ZAN: variants seen among roughly 807,000 people sequenced by gnomAD.
The protein encoded by ZAN is zonadhesin, also known as zonadhesin (gene/pseudogene).
In ZAN, 260 loss-of-function variants were observed where a neutral mutation model predicts 286.2. The observed-to-expected ratio is 0.91, with a 90% CI of 0.82 to 1.01. The LOEUF (loss-of-function observed/expected upper bound fraction) is 1.01. ZAN is among the 50% of genes least tolerant of loss of function. The pLI is 0.00. For synonymous variants in ZAN, 1,368 were observed against 1,417.5 expected (o/e 0.97, Z 0.79); for missense variants, 3,410 against 3,639.2 (o/e 0.94, Z 1.62).
At chr7:100,784,476 T>G (rs1443816608) in intron 35 of ZAN, 147 bp from the exon 36 acceptor site, 1 of 775,134 alleles carries the variant, frequency 1.3e-6, no homozygotes, top group African/African-American at 1.8e-5. Flanking sequence ...CCATACTCAG[T>G]AAATGTTTGC....
In ZAN at chr7:100,775,407, C is replaced by G. The variant is rs752486493; in HGVS notation, c.5859C>G (p.Cys1953Trp). Residue 1953 changes from cysteine to tryptophan, a missense_variant, in exon 32 of 48, where the codon TGC becomes TGG. Cys to Trp is a radical substitution (Grantham distance 215). Transcript: ENST00000613979. ...GTAACCATTCTATCCCGGACGCCTG[C>G]ACTCTTGTCCTGGTGAAAGTGTGCC... Reference protein sequence around the residue: ...DGSNHSIPDACTLVLVKVCHP... With the variant: ...DGSNHSIPDAWTLVLVKVCHP... 5.6e-5 allele frequency: 91 copies of G among 1,613,988 alleles called. No individual in the cohort carries two copies. In the East Asian group the frequency reaches 1.9e-3, roughly 33 times the overall value.
At chr7:100,774,914 GGGGTTTTT>G (rs1810644020) in intron 31 of ZAN, among the ~76,000 whole-genome samples, 2 of 74,024 alleles carry the variant, frequency 2.7e-5, no homozygotes, top group South Asian at 1.2e-3. Flanking sequence ...CCCTGGCCCT[GGGGTTTTT>G]TGTTTGTTTG....
rs1333322612 is a variant in ZAN at position 100,752,663 on chromosome 7, C to T, written c.2558C>T (p.Ser853Phe). Residue 853 changes from serine to phenylalanine, a missense_variant, in exon 14 of 48, where the codon TCC becomes TTC. Coordinates refer to ENST00000613979, the MANE Select transcript of ZAN (RefSeq NM_003386.3). ...ATCCCCATGGAAAAACCCACCATCT[C>T]CACAGAAAAACCCACCATCCCCACA... ...LTIPMEKPTISTEKPTIPTEK... is the reference protein window; with the variant it reads ...LTIPMEKPTIFTEKPTIPTEK... 6.2e-7 allele frequency: 1 copy of T among 1,612,210 alleles called. No homozygotes were observed. The highest frequency in any genetic ancestry group is 2.2e-5 in the East Asian group (1 of 44,742).
chr7:100,790,798 G>T, intron 39 of ZAN, 144 bp from the exon 40 acceptor site: 2 of 865,622 alleles, frequency 2.3e-6, no homozygotes, highest in Non-Finnish European at 3.4e-6. Flanking sequence ...CATGGGAATT[G>T]CTTGAAACCA....
In ZAN at chr7:100,758,514, C is replaced by T. The variant is rs1809316671; in HGVS notation, c.3452-17C>T. The T allele has an allele frequency of 6.4e-7, 1 of 1,554,562 alleles. No individual in the cohort carries two copies. Among genetic ancestry groups the T allele is most frequent in the African/African-American group, 1.4e-5 (1 of 73,200 alleles). On this transcript the variant is annotated splice_polypyrimidine_tract_variant and intron_variant, in intron 16 of 47. Coordinates refer to ENST00000613979, the MANE Select transcript of ZAN (RefSeq NM_003386.3). ...AGCCACAGAAGCAGCTTCGCCTGTT[C>T]TCCTTCCCCCTCCCAGCAGGCACTG... is the stretch of plus-strand genomic sequence containing the variant.
rs1809731215 is a variant in ZAN at position 100,763,459 on chromosome 7, A to C, written c.3987-347A>C. Among the ~76,000 whole-genome samples, 1 of 151,228 alleles carries C rather than the reference A, an allele frequency of 6.6e-6. No individual in the cohort carries two copies. The highest frequency in any genetic ancestry group is 6.6e-5 in the Admixed American group (1 of 15,166). On this transcript the variant is annotated intron_variant, in intron 20 of 47. Transcript: ENST00000613979. This position sits in a 1 kb window ranked among gnomAD's most constrained non-coding sequence, Gnocchi z 4.6. ...CAATCACAGCTCACTGCAGGCTCCAACTCCTGGGCTCAACAGATTCTCTCA... is the reference window on the plus strand; with the variant it reads ...CAATCACAGCTCACTGCAGGCTCCACCTCCTGGGCTCAACAGATTCTCTCA...
At chr7:100,758,083 C>G (rs1562930482) in intron 15 of ZAN, 119 bp from the exon 16 acceptor site, 2 of 845,688 alleles carry the variant, frequency 2.4e-6, no homozygotes, top group Non-Finnish European at 2.9e-6. Flanking sequence ...AAGACTCCAT[C>G]ACAAATAAAT....
intron 31 of ZAN, among the ~76,000 whole-genome samples, chr7:100,774,492 G>C (rs1473728043): frequency 3.3e-5 from 5 of 152,046 alleles, no homozygotes; most frequent in Non-Finnish European, 7.4e-5. Context: ...GCAACATAGT[G>C]AGACCCCATC....
In ZAN at chr7:100,779,729, T is replaced by G; in HGVS notation, c.6601T>G (p.Trp2201Gly). Residue 2201 changes from tryptophan (W) to glycine (G), a missense_variant, in exon 35 of 48, where the codon TGG (tryptophan) becomes GGG (glycine). Trp to Gly is a radical substitution (Grantham distance 184). Coordinates refer to ENST00000613979, the MANE Select transcript of ZAN (RefSeq NM_003386.3). Reference protein sequence around the residue: ...CQSQGLKPPLWRNSSFCPLEC... With the variant: ...CQSQGLKPPLGRNSSFCPLEC... Reference sequence around the variant, plus strand: ...GAGCCAGGGGCTCAAGCCCCCACTCTGGAGAAACAGCAGCTTCTGCCGTGA... The same window carrying G: ...GAGCCAGGGGCTCAAGCCCCCACTCGGGAGAAACAGCAGCTTCTGCCGTGA... 6.4e-7 allele frequency: 1 copy of G among 1,554,738 alleles called. No individual in the cohort carries two copies. The highest frequency in any genetic ancestry group is 8.7e-7 in the Non-Finnish European group (1 of 1,149,464).
chr7:100,776,428 C>A lies in ZAN; in HGVS notation c.6193-12C>A. 1 of 1,600,990 alleles carries A rather than the reference C, an allele frequency of 6.2e-7. No individual in the cohort carries two copies. Among genetic ancestry groups the A allele is most frequent in the Non-Finnish European group, 8.5e-7 (1 of 1,173,666 alleles). Reference sequence around the variant, plus strand: ...GCTTCCCCAGCACCGAAAAACCACTCTCCCCCGCCAGGTCTGCGGCATGTG... The same window carrying A: ...GCTTCCCCAGCACCGAAAAACCACTATCCCCCGCCAGGTCTGCGGCATGTG... On this transcript the variant is annotated splice_polypyrimidine_tract_variant and intron_variant, in intron 33 of 47. Transcript: ENST00000613979.
chr7:100,797,547 G>C (rs778655718), intron 46 of ZAN, 30 bp from the exon 47 acceptor site: 1 of 1,613,530 alleles, frequency 6.2e-7, no homozygotes, highest in Non-Finnish European at 8.5e-7. Context: ...GCCACTTGGG[G>C]ACCCATGTCT....
At chr7:100,795,083 G>C in intron 44 of ZAN, 113 bp from the exon 45 acceptor site, 1 of 1,397,894 alleles carries the variant, frequency 7.2e-7, no homozygotes, top group African/African-American at 1.5e-5. Flanking sequence ...CCCCTGGCCA[G>C]TCTCTGGCAG....
In ZAN at chr7:100,764,624, G is replaced by C. The variant is rs187775642; in HGVS notation, c.4267+428G>C. Among the ~76,000 whole-genome samples the C allele has an allele frequency of 6.3e-3, 950 of 151,938 alleles. 6 individuals are homozygous for C. The highest frequency in any genetic ancestry group is 0.022 in the African/African-American group (902 of 41,460). ...GAATTGCTTGAACCTGGGAGGCGGA[G>C]GTTGCAGTGAGCCGAGATTGCACCA... On this transcript the variant is annotated intron_variant, in intron 22 of 47. Transcript: ENST00000613979.
Position 100,750,520 on chromosome 7 carries a change from G to C in ZAN, c.1250-105G>C. Reference sequence around the variant, plus strand: ...AATAATGCTACGACCTGGGAAATTTGAGTGTTTGCTCAGATTCCCGTTCAG... The same window carrying C: ...AATAATGCTACGACCTGGGAAATTTCAGTGTTTGCTCAGATTCCCGTTCAG... On this transcript the variant is annotated intron_variant, in intron 11 of 47. Coordinates refer to ENST00000613979, the MANE Select transcript of ZAN (RefSeq NM_003386.3). 2.3e-6 allele frequency: 3 copies of C among 1,323,692 alleles called. No individual in the cohort carries two copies. The South Asian group carries it at 4.2e-5, about 18-fold the overall frequency. 82.0% of individuals were successfully genotyped at this position (1,323,692 alleles called of 1,614,324 possible). A position where few individuals can be genotyped will look rare whatever the true frequency, so the allele number is the denominator to read the frequency against.
rs201949485 is a variant in ZAN at position 100,772,021 on chromosome 7, G to C, written c.5425+1G>C. 30 of 1,588,636 alleles carry C rather than the reference G, an allele frequency of 1.9e-5. No individual in the cohort carries two copies. In the African/African-American group the frequency reaches 3.9e-4, roughly 21 times the overall value. ...GCCTGGCGGAACAGAACCTTCTGCCGTGAGTGACTGGCCACCTGTTCCCAC... is the reference window on the plus strand; with the variant it reads ...GCCTGGCGGAACAGAACCTTCTGCCCTGAGTGACTGGCCACCTGTTCCCAC... On this transcript the variant is annotated splice_donor_variant, in intron 29 of 47. Transcript: ENST00000613979. LOFTEE classifies it high-confidence loss of function.
chr7:100,795,221 T>A lies in ZAN; in HGVS notation c.8151T>A (p.Cys2717Ter), dbSNP rs565639591. The stretch of plus-strand genomic sequence containing the variant: ...AAAGCCCGTGTCTGCAGAACCCCTG[T>A]CAGAATGACGGGCAGTGTCGGGAGC... ...FPESPCLQNPCQNDGQCREQG... is the reference protein window; with the variant it reads ...FPESPCLQNP The change falls in exon 45 of 48, where the codon TGT becomes TGA. Residue 2717 changes from cysteine (C) to a stop codon, truncating the protein, a stop_gained. Transcript: ENST00000613979. LOFTEE classifies it high-confidence loss of function. 3.8e-5 allele frequency: 62 copies of A among 1,610,950 alleles called. No individual in the cohort carries two copies. In the African/African-American group the frequency reaches 7.2e-4, roughly 19 times the overall value.
chr7:100,755,927 G>C (rs1387131280), intron 15 of ZAN, among the ~76,000 whole-genome samples: 1 of 151,904 alleles, frequency 6.6e-6, no homozygotes, highest in Non-Finnish European at 1.5e-5. Context: ...GTCTAGCTCT[G>C]TCACCCAGGC....
intron 23 of ZAN, 114 bp from the exon 24 acceptor site, chr7:100,766,411 C>T: frequency 1.6e-6 from 2 of 1,286,124 alleles, no homozygotes; most frequent in East Asian, 5.2e-5. Context: ...GATGTCTCCC[C>T]ACTATTAAGC....
chr7:100,773,580 T>C, intron 30 of ZAN, 87 bp downstream of exon 30: 4 of 1,558,150 alleles, frequency 2.6e-6, no homozygotes, highest in Non-Finnish European at 3.5e-6. Flanking sequence ...GGAGGAAGGC[T>C]CAGAACCTGG....
Sources: allele counts gnomAD v4.1 joint callset (sites outside exome capture counted in the v4.1 genomes callset), GRCh38; gene constraint gnomAD v4.1.1; non-coding constraint Gnocchi (gnomAD v3.1); transcripts MANE v1.5; gene names NCBI Gene and HGNC (gene_info 2026-07-23, HGNC 2026-07-21).